The following RAI1 variants were observed in gnomAD, a reference collection of about 807,000 sequenced individuals.
RAI1 encodes retinoic acid-induced protein 1.
Under a neutral mutation model 123.8 loss-of-function variants are expected in RAI1, and 9 were observed. The observed-to-expected ratio is 0.07, with a 90% CI of 0.04 to 0.13. The LOEUF (loss-of-function observed/expected upper bound fraction) is 0.13, where lower values mean the gene tolerates loss of function less well. RAI1 is among the 10% of genes least tolerant of loss of function. RAI1 has a pLI of 1.00. For synonymous variants in RAI1, 1,231 were observed against 1,127.3 expected, an observed-to-expected ratio of 1.09 and a Z score of -1.84; for missense variants, 2,256 against 2,545.8, an observed-to-expected ratio of 0.89 and a Z score of 2.45.
At position 17,797,942 on chromosome 17, in the gene RAI1, C is replaced by T. The variant is rs1358323431; in HGVS notation, c.4994C>T (p.Pro1665Leu). The part of the protein sequence containing the change: ...GSILQPRPSL[P>L]LSSTMHLGPV... The stretch of plus-strand genomic sequence containing the variant: ...ATCCTGCAGCCGCGGCCCTCCTTGC[C>T]CCTCTCCTCCACGATGCACTTGGGG... Residue 1665 changes from proline (P) to leucine (L), a missense_variant, in exon 3 of 6, where the codon CCC becomes CTC. Around this residue, in one of 7 missense-constraint regions of RAI1, gnomAD observed 410 missense variants for 374.6 expected, o/e 1.09. Coordinates refer to ENST00000353383, the MANE Select transcript of RAI1 (RefSeq NM_030665.4). 1 of 1,614,056 alleles carries T rather than the reference C, an allele frequency of 6.2e-7. No individual in the cohort carries two copies. The highest frequency in any genetic ancestry group is 1.7e-5 in the Admixed American group (1 of 60,022).
chr17:17,700,003 T>C (rs12940014), intron 1 of RAI1, among the ~76,000 whole-genome samples: 78,258 of 152,134 alleles, frequency 0.51, 21,387 homozygotes, highest in African/African-American at 0.67. Flanking sequence ...AGAGCAAGTA[T>C]CCACTACTCC....
intron 2 of RAI1, chr17:17,778,740 G>A: frequency 2.2e-6 from 1 of 456,740 alleles, no homozygotes; most frequent in Non-Finnish European, 4.4e-6. Context: ...CTCCATGCTG[G>A]AGAGCCCGCC....
intron 3 of RAI1, among the ~76,000 whole-genome samples, chr17:17,803,481 C>T (rs1436497136): frequency 6.6e-6 from 1 of 152,118 alleles, no homozygotes; most frequent in Non-Finnish European, 1.5e-5. Context: ...ACTGCAGCCT[C>T]AACCTCCCAG....
intron 2 of RAI1, 122 bp from the exon 3 acceptor site, chr17:17,792,810 TG>T: frequency 1.6e-6 from 1 of 635,682 alleles, no homozygotes; most frequent in South Asian, 1.8e-5. Context: ...GGGAGGTGGG[TG>T]GGAGGGTGCT....
chr17:17,753,253 G>A (rs1418380960), intron 2 of RAI1, among the ~76,000 whole-genome samples: 1 of 152,234 alleles, frequency 6.6e-6, no homozygotes, highest in Non-Finnish European at 1.5e-5. Flanking sequence ...TGGAGTGAGG[G>A]CTGCTCAGGA....
chr17:17,688,960 TA>T (rs1914745621), intron 1 of RAI1, among the ~76,000 whole-genome samples: 1 of 150,382 alleles, frequency 6.6e-6, no homozygotes, highest in Admixed American at 6.6e-5. Context: ...TTATGATTAT[TA>T]TTTTTTTTTT....
chr17:17,790,871 G>C (rs2031989268), intron 2 of RAI1, among the ~76,000 whole-genome samples: 1 of 152,196 alleles, frequency 6.6e-6, no homozygotes, highest in African/African-American at 2.4e-5. Context: ...AGTCTGGCCA[G>C]GGCAGGAGCG....
rs145704742 is a variant in RAI1 at position 17,711,196 on chromosome 17, C to T, written c.-148-12832C>T. Reference sequence around the variant, plus strand: ...TGCATGCAGGTGGGGCGACTGAGGCCCTGGAAGAACTCTGGTCACGTCCTG... The same window carrying T: ...TGCATGCAGGTGGGGCGACTGAGGCTCTGGAAGAACTCTGGTCACGTCCTG... On this transcript the variant is annotated intron_variant, in intron 1 of 5. Transcript: ENST00000353383. 7.9e-5 allele frequency among the ~76,000 whole-genome samples: 12 copies of T among 152,284 alleles called. No individual in the cohort carries two copies. In the East Asian group the frequency reaches 2.3e-3, roughly 29 times the overall value.
chr17:17,783,497 C>T lies in RAI1; in HGVS notation c.-16-9436C>T, dbSNP rs2031694697. On this transcript the variant is annotated intron_variant, in intron 2 of 5. Coordinates refer to ENST00000353383, the MANE Select transcript of RAI1 (RefSeq NM_030665.4). The stretch of plus-strand genomic sequence containing the variant: ...GCGGATTTTCTCCGGCAGCAGCAGG[C>T]GCTCTGCCTTTGTCTTACACGGCTG... Among the ~76,000 whole-genome samples the T allele has an allele frequency of 3.9e-5, 6 of 152,150 alleles. No individual in the cohort carries two copies. The South Asian group carries it at 1.0e-3, about 26-fold the overall frequency.
At chr17:17,792,127 A>G (rs2032030971) in intron 2 of RAI1, among the ~76,000 whole-genome samples, 1 of 152,136 alleles carries the variant, frequency 6.6e-6, no homozygotes, top group African/African-American at 2.4e-5. Flanking sequence ...ACTCTGGGCC[A>G]CGTAATCTGT....
chr17:17,745,443 T>C (rs539781748), intron 2 of RAI1, among the ~76,000 whole-genome samples: 208 of 151,900 alleles, frequency 1.4e-3, no homozygotes, highest in African/African-American at 4.9e-3. Context: ...GTTTTTGTTT[T>C]TGTTTTTTTT....
In RAI1 at chr17:17,809,657, G is replaced by A. The variant is rs2032673511; in HGVS notation, c.5709+218G>A. ...GCGCCGCCGCCGCCGAAAACCCGCA[G>A]GCGTCGGGGCATGGGCAGCCAGGGG... On this transcript the variant is annotated intron_variant, in intron 5 of 5. Transcript: ENST00000353383. This position sits in a 1 kb window ranked among gnomAD's most constrained non-coding sequence, Gnocchi z 4.9. Among the ~76,000 whole-genome samples the A allele has an allele frequency of 6.6e-6, 1 of 152,110 alleles. No individual in the cohort carries two copies. The highest frequency in any genetic ancestry group is 6.5e-5 in the Admixed American group (1 of 15,286).
chr17:17,810,556 T>G lies in RAI1; in HGVS notation c.*575T>G, dbSNP rs938478398. ...GGCCGGCACTGGAGAGGCCGGAGCC[T>G]TTGGAACAAACCGTGCGGAACGCGT... is the stretch of plus-strand genomic sequence containing the variant. On this transcript the variant is annotated 3_prime_UTR_variant, in exon 6 of 6. Transcript: ENST00000353383. This position sits in a 1 kb window ranked among gnomAD's most constrained non-coding sequence, Gnocchi z 4.6. The G allele has an allele frequency of 5.8e-5, 18 of 310,334 alleles. No individual in the cohort carries two copies. Among genetic ancestry groups the G allele is most frequent in the African/African-American group, 4.1e-4 (18 of 44,388 alleles). 19.2% of individuals were successfully genotyped at this position (310,334 alleles called of 1,614,324 possible).
chr17:17,723,039 G>A (rs1915937781), intron 1 of RAI1, among the ~76,000 whole-genome samples: 1 of 152,124 alleles, frequency 6.6e-6, no homozygotes. Context: ...AGCCCTTTAA[G>A]TTAACCCAAA....
chr17:17,783,540 G>T (rs1048795973), intron 2 of RAI1, among the ~76,000 whole-genome samples: 2 of 152,164 alleles, frequency 1.3e-5, no homozygotes, highest in African/African-American at 4.8e-5. Flanking sequence ...TGTTGCAGAG[G>T]GGCGGAGAGG....
intron 2 of RAI1, among the ~76,000 whole-genome samples, chr17:17,771,048 T>C (rs1353648067): frequency 4.6e-5 from 7 of 152,000 alleles, no homozygotes; most frequent in African/African-American, 7.2e-5. Flanking sequence ...GGGGGATCTT[T>C]GGAGACCCTG....
At chr17:17,786,312 CAG>C (rs1567906424) in intron 2 of RAI1, among the ~76,000 whole-genome samples, 1 of 152,212 alleles carries the variant, frequency 6.6e-6, no homozygotes, top group Non-Finnish European at 1.5e-5. Flanking sequence ...GATATTTTCA[CAG>C]AGTTACTGTG....
intron 2 of RAI1, among the ~76,000 whole-genome samples, chr17:17,742,136 G>A (rs1213488174): frequency 6.6e-6 from 1 of 152,232 alleles, no homozygotes; most frequent in Non-Finnish European, 1.5e-5. Flanking sequence ...GGCTTCTGTG[G>A]CCACGGGTGA....
intron 2 of RAI1, among the ~76,000 whole-genome samples, chr17:17,774,265 G>A (rs768993656): frequency 2.0e-5 from 3 of 152,250 alleles, no homozygotes; most frequent in Admixed American, 6.5e-5. Context: ...TATGGGTGAG[G>A]AAGCGGAAGC....
Sources: gnomAD v4.1 joint callset for allele counts (sites outside exome capture counted in the v4.1 genomes callset) on GRCh38, gnomAD v4.1.1 for gene constraint, gnomAD v4.1.1 regional missense constraint, Gnocchi (gnomAD v3.1) non-coding constraint, MANE v1.5 for transcripts, NCBI Gene and HGNC (gene_info 2026-07-23, HGNC 2026-07-21) for gene names.